The following ECHDC1 variants were observed in gnomAD, a reference collection of about 807,000 sequenced individuals.
The protein encoded by ECHDC1 is ethylmalonyl-CoA decarboxylase.
A neutral mutation model predicts 29.7 loss-of-function variants in ECHDC1; 29 were observed. That is an observed-to-expected ratio of 0.98 (90% CI 0.73 to 1.33). The LOEUF (loss-of-function observed/expected upper bound fraction) is 1.33, where lower values mean the gene tolerates loss of function less well. Ranked by LOEUF, ECHDC1 falls within the 40% of genes most tolerant of loss-of-function variation. The probability of loss-of-function intolerance (pLI) is 0.00; values close to 1 mark genes in which losing one functional copy is unlikely to be tolerated. For missense variants in ECHDC1, 328 were observed against 350.0 expected (o/e 0.94, Z 0.50); for synonymous variants, 126 against 123.1 (o/e 1.02, Z -0.15).
At chr6:127,338,324 T>A (rs1784614066) in intron 1 of ECHDC1, among the ~76,000 whole-genome samples, 1 of 152,120 alleles carries the variant, frequency 6.6e-6, no homozygotes, top group Admixed American at 6.5e-5. Flanking sequence ...CAAAAATAAC[T>A]CAAATATCTA....
intron 5 of ECHDC1, among the ~76,000 whole-genome samples, chr6:127,297,014 GAAA>G (rs1184987316): frequency 6.8e-6 from 1 of 147,214 alleles, no homozygotes; most frequent in African/African-American, 2.5e-5. Context: ...GCCTCAAAAA[GAAA>G]AAAAAAGAGA....
At chr6:127,309,583 C>T (rs374496659) in intron 5 of ECHDC1, among the ~76,000 whole-genome samples, 1 of 150,714 alleles carries the variant, frequency 6.6e-6, no homozygotes, top group South Asian at 2.1e-4. Context: ...AACTCTGGAA[C>T]CACTACCAGA....
chr6:127,341,161 CACT>C (rs1434976386), intron 1 of ECHDC1, among the ~76,000 whole-genome samples: 1 of 152,142 alleles, frequency 6.6e-6, no homozygotes, highest in African/African-American at 2.4e-5. Flanking sequence ...TATTCCCTCC[CACT>C]ACTGTCTCTC....
chr6:127,312,063 A>G (rs1781988902), intron 5 of ECHDC1, among the ~76,000 whole-genome samples: 1 of 152,124 alleles, frequency 6.6e-6, no homozygotes, highest in Non-Finnish European at 1.5e-5. Context: ...ACTGATAAAA[A>G]AAAAACTCAC....
At chr6:127,341,154 T>C (rs1249906105) in intron 1 of ECHDC1, among the ~76,000 whole-genome samples, 1 of 152,182 alleles carries the variant, frequency 6.6e-6, no homozygotes, top group East Asian at 1.9e-4. Context: ...CTCATTCTAT[T>C]CCCTCCCACT....
intron 3 of ECHDC1, among the ~76,000 whole-genome samples, chr6:127,325,949 C>T (rs1400809590): frequency 6.6e-6 from 1 of 152,116 alleles, no homozygotes; most frequent in Non-Finnish European, 1.5e-5. Flanking sequence ...GCAATCCTCC[C>T]ATCTCAGCCT....
intron 5 of ECHDC1, among the ~76,000 whole-genome samples, chr6:127,296,279 C>T (rs993367338): frequency 6.6e-6 from 1 of 152,028 alleles, no homozygotes; most frequent in Non-Finnish European, 1.5e-5. Flanking sequence ...TTGCAACCTC[C>T]GCCTCCCAGG....
chr6:127,314,909 GA>G lies in ECHDC1; in HGVS notation c.417-14del, dbSNP rs763358235. The G allele has an allele frequency of 5.6e-6, 9 of 1,603,642 alleles. No individual in the cohort carries two copies. Among genetic ancestry groups the G allele is most frequent in the South Asian group, 3.3e-5 (3 of 89,812 alleles). ...TATTAAAGGAAGTCTGTATATTGAA[GA>G]AAAAACTGATGTTACTATTTTTAAT... On this transcript the variant is annotated splice_polypyrimidine_tract_variant and intron_variant, in intron 4 of 5. Coordinates refer to ENST00000454859, the MANE Select transcript of ECHDC1 (RefSeq NM_001002030.2).
chr6:127,327,008 A>T lies in ECHDC1; in HGVS notation c.357T>A (p.Thr119=). The change falls in exon 3 of 6, where the codon ACT becomes ACA. Residue 119 remains threonine (T), a synonymous_variant. Coordinates refer to ENST00000454859, the MANE Select transcript of ECHDC1 (RefSeq NM_001002030.2). The stretch of plus-strand genomic sequence containing the variant: ...TAATTCATATAACACTTGCCTCTGG[A>T]GTTCCTAGTGATTTCACAGCATTCA... ...SDLNAVKSLG[T]PEDGMAVCMF... 1 of 1,613,348 alleles carries T rather than the reference A, an allele frequency of 6.2e-7. No homozygotes were observed. Among genetic ancestry groups the T allele is most frequent in the African/African-American group, 1.3e-5 (1 of 75,042 alleles).
At chr6:127,315,542 A>T (rs1041564977) in intron 4 of ECHDC1, 4 of 213,362 alleles carry the variant, frequency 1.9e-5, no homozygotes, top group African/African-American at 9.5e-5. Flanking sequence ...GTTTTCCAAG[A>T]TGGAATTTTT....
intron 1 of ECHDC1, among the ~76,000 whole-genome samples, chr6:127,338,057 AAC>A (rs1326245264): frequency 6.6e-6 from 1 of 152,246 alleles, no homozygotes. Context: ...CAGAAATAAA[AAC>A]AGTTATTAGT....
chr6:127,290,534 A>G (rs2114541051), intron 5 of ECHDC1, among the ~76,000 whole-genome samples: 1 of 152,176 alleles, frequency 6.6e-6, no homozygotes, highest in Middle Eastern at 3.4e-3. Flanking sequence ...AAAAGCCCAA[A>G]GTTGATCTTT....
intron 2 of ECHDC1, chr6:127,329,793 G>C: frequency 2.6e-6 from 1 of 380,720 alleles, no homozygotes; most frequent in South Asian, 2.0e-5. Context: ...ATGGTTACTA[G>C]AATATTTAAA....
intron 3 of ECHDC1, among the ~76,000 whole-genome samples, chr6:127,317,691 A>G (rs772401755): frequency 5.9e-5 from 9 of 152,214 alleles, no homozygotes; most frequent in Non-Finnish European, 1.0e-4. Flanking sequence ...AATAAGGCTC[A>G]GATTTTTGGT....
chr6:127,324,346 T>C (rs988468932), intron 3 of ECHDC1, among the ~76,000 whole-genome samples: 1 of 152,162 alleles, frequency 6.6e-6, no homozygotes, highest in Non-Finnish European at 1.5e-5. Flanking sequence ...CAAAAACGCC[T>C]GTGAGATAGA....
intron 1 of ECHDC1, chr6:127,342,286 A>G: frequency 6.8e-7 from 1 of 1,469,428 alleles, no homozygotes; most frequent in Non-Finnish European, 9.2e-7. Flanking sequence ...TCTTAAGACT[A>G]AACAGGGGCT....
At chr6:127,325,023 T>C (rs1348904941) in intron 3 of ECHDC1, among the ~76,000 whole-genome samples, 1 of 152,080 alleles carries the variant, frequency 6.6e-6, no homozygotes, top group Non-Finnish European at 1.5e-5. Flanking sequence ...GGAAAGTAAA[T>C]TTAAAATAGA....
intron 5 of ECHDC1, among the ~76,000 whole-genome samples, chr6:127,304,330 G>C (rs1211205037): frequency 1.3e-5 from 2 of 152,178 alleles, no homozygotes; most frequent in Non-Finnish European, 2.9e-5. Context: ...GCAAGAACCA[G>C]AGCATTACGG....
At chr6:127,339,282 C>T (rs554690817) in intron 1 of ECHDC1, among the ~76,000 whole-genome samples, 1 of 148,142 alleles carries the variant, frequency 6.8e-6, no homozygotes, top group South Asian at 2.2e-4. Context: ...CAGAAAGGTA[C>T]ATACGAGATA....
Sources: gnomAD v4.1 joint callset for allele counts (sites outside exome capture counted in the v4.1 genomes callset) on GRCh38, gnomAD v4.1.1 for gene constraint, MANE v1.5 for transcripts, NCBI Gene and HGNC (gene_info 2026-07-23, HGNC 2026-07-21) for gene names.